The following NCK2 variants were observed in gnomAD, a reference collection of about 807,000 sequenced individuals.
The protein encoded by NCK2 is cytoplasmic protein NCK2.
NCK2 carries 16 observed loss-of-function variants against 33.9 expected under a neutral mutation model. The observed-to-expected ratio is 0.47, with a 90% confidence interval of 0.32 to 0.72. The LOEUF (loss-of-function observed/expected upper bound fraction) is 0.72, where lower values mean the gene tolerates loss of function less well. NCK2 is among the 30% of genes least tolerant of loss of function. The pLI is 0.03. For missense variants in NCK2, 418 were observed against 537.3 expected (o/e 0.78, Z 2.19); for synonymous variants, 273 against 239.9 (o/e 1.14, Z -1.27).
rs144636993 is a variant in NCK2, at chr2:105,882,132, A to G, written c.948+83A>G. Reference sequence around the variant, plus strand: ...GGTCTGTGTGCCGCGCCCTTTTCACATTGTGTGAGTACACTAGAAAGAGCG... The same window carrying G: ...GGTCTGTGTGCCGCGCCCTTTTCACGTTGTGTGAGTACACTAGAAAGAGCG... On this transcript the variant is annotated intron_variant, in intron 4 of 4. Coordinates refer to ENST00000233154, the MANE Select transcript of NCK2 (RefSeq NM_003581.5). 13,507 of 1,367,028 alleles carry G rather than the reference A, an allele frequency of 9.9e-3. 103 individuals carry two copies. The highest frequency in any genetic ancestry group is 0.012 in the Non-Finnish European group (12,257 of 1,053,726). 84.7% of individuals were successfully genotyped at this position (1,367,028 alleles called of 1,614,324 possible).
At chr2:105,754,366 GC>G (rs1164307667) in intron 1 of NCK2, among the ~76,000 whole-genome samples, 1 of 152,192 alleles carries the variant, frequency 6.6e-6, no homozygotes, top group African/African-American at 2.4e-5. Context: ...AGACGCCCAT[GC>G]CCATCTTAGA....
rs1163023979 is a variant in NCK2 at position 105,893,740 on chromosome 2, A to AAAGC, written c.*565_*566insAGCA. The AAAGC allele has an allele frequency of 6.6e-6, 1 of 151,950 alleles. No homozygotes were observed. Among genetic ancestry groups the AAAGC allele is most frequent in the East Asian group, 1.9e-4 (1 of 5,168 alleles). 9.4% of individuals were successfully genotyped at this position (151,950 alleles called of 1,614,324 possible). On this transcript the variant is annotated 3_prime_UTR_variant, in exon 5 of 5. Coordinates refer to ENST00000233154, the MANE Select transcript of NCK2 (RefSeq NM_003581.5). ...CTTTGGGGCTGTGCTTGCAATAAAG[A>AAAGC]ATTTCCTGGAAAGGCAGTCTGCAAA...
At chr2:105,869,241 A>G (rs1304945506) in intron 3 of NCK2, among the ~76,000 whole-genome samples, 1 of 152,142 alleles carries the variant, frequency 6.6e-6, no homozygotes, top group African/African-American at 2.4e-5. Context: ...CCTTGTTGAG[A>G]AAGTGCCACA....
At chr2:105,810,297 G>GA (rs1157990102) in intron 1 of NCK2, among the ~76,000 whole-genome samples, 1 of 151,892 alleles carries the variant, frequency 6.6e-6, no homozygotes, top group African/African-American at 2.4e-5. Flanking sequence ...GATGCTATTT[G>GA]AAAAAAACAA....
intron 4 of NCK2, among the ~76,000 whole-genome samples, chr2:105,891,707 T>A (rs985375841): frequency 5.3e-5 from 8 of 151,920 alleles, no homozygotes; most frequent in Non-Finnish European, 1.2e-4. Flanking sequence ...CCACCATGCC[T>A]GGCTAATTTT....
chr2:105,818,983 G>T (rs545605073), intron 2 of NCK2, among the ~76,000 whole-genome samples: 3 of 152,180 alleles, frequency 2.0e-5, no homozygotes, highest in Admixed American at 6.5e-5. Flanking sequence ...ATGCAATAAG[G>T]ATAGGATTAA....
chr2:105,756,828 G>A (rs182088448), intron 1 of NCK2, among the ~76,000 whole-genome samples: 25 of 152,266 alleles, frequency 1.6e-4, no homozygotes, highest in African/African-American at 6.0e-4. Flanking sequence ...TTTTGAGACG[G>A]AGTTTCGCTC....
intron 1 of NCK2, among the ~76,000 whole-genome samples, chr2:105,765,021 AT>A (rs5833150): frequency 0.83 from 122,906 of 148,592 alleles, 50,789 homozygotes; most frequent in Admixed American, 0.88. Context: ...CAGTGGAACC[AT>A]TTTTTTTTTT....
chr2:105,780,810 C>T (rs375525992), intron 1 of NCK2, among the ~76,000 whole-genome samples: 2 of 152,312 alleles, frequency 1.3e-5, no homozygotes, highest in African/African-American at 2.4e-5. Flanking sequence ...AAGAAGCCGC[C>T]GTGTAGGAAC....
intron 4 of NCK2, among the ~76,000 whole-genome samples, chr2:105,891,051 G>T (rs748876363): frequency 5.3e-5 from 8 of 152,208 alleles, no homozygotes; most frequent in Non-Finnish European, 5.9e-5. Flanking sequence ...CGAGGTACCA[G>T]CCCTGCCTCG....
At position 105,835,423 on chromosome 2, in the gene NCK2, A is replaced by ATATATT. The variant is rs59154186; in HGVS notation, c.-17+18811_-17+18812insATATTT. ...TATATATACGTGTATATATATATATATTTTTTTTTTGGTCAGCATTTTGAA... is the reference window on the plus strand; with the variant it reads ...TATATATACGTGTATATATATATATATATATTTTTTTTTTTTGGTCAGCATTTTGAA... On this transcript the variant is annotated intron_variant, in intron 2 of 4. Coordinates refer to ENST00000233154, the MANE Select transcript of NCK2 (RefSeq NM_003581.5). Among the ~76,000 whole-genome samples the ATATATT allele has an allele frequency of 7.6e-3, 773 of 101,988 alleles. 27 individuals are homozygous for ATATATT. Among genetic ancestry groups the ATATATT allele is most frequent in the East Asian group, 0.013 (42 of 3,294 alleles). The allele number at this position is 101,988 out of a possible 152,430, so 66.9% of individuals were successfully genotyped here.
At chr2:105,850,514 A>C (rs943844394) in intron 2 of NCK2, among the ~76,000 whole-genome samples, 18 of 152,180 alleles carry the variant, frequency 1.2e-4, no homozygotes, top group African/African-American at 4.1e-4. Flanking sequence ...TGTGTTTTAG[A>C]GTGGTCACAT....
At chr2:105,857,047 T>TTTTTTTTTTTTA (rs1553460690) in intron 3 of NCK2, 4 of 130,788 alleles carry the variant, frequency 3.1e-5, no homozygotes, top group African/African-American at 5.7e-5. Flanking sequence ...TTTTTTTTTT[T>TTTTTTTTTTTTA]TTGTATTTAC....
At chr2:105,838,931 A>C (rs4851877) in intron 2 of NCK2, among the ~76,000 whole-genome samples, 139,812 of 152,250 alleles carry the variant, frequency 0.92, 64,240 homozygotes, top group East Asian at 0.98. Context: ...GTGTGAAGTA[A>C]TGGTAAGGGC....
At chr2:105,854,471 C>G (rs957584119) in intron 2 of NCK2, 1 of 152,548 alleles carries the variant, frequency 6.6e-6, no homozygotes, top group Non-Finnish European at 1.5e-5. Flanking sequence ...TAACATCTTA[C>G]TGGTGTGTTG....
intron 1 of NCK2, among the ~76,000 whole-genome samples, chr2:105,804,846 G>A (rs1674971629): frequency 6.6e-6 from 1 of 152,336 alleles, no homozygotes; most frequent in African/African-American, 2.4e-5. Context: ...AGGCACAGTG[G>A]TGTTAGGGAT....
At chr2:105,863,886 C>A (rs368480173) in intron 3 of NCK2, among the ~76,000 whole-genome samples, 1 of 152,034 alleles carries the variant, frequency 6.6e-6, no homozygotes, top group Non-Finnish European at 1.5e-5. Flanking sequence ...TAACGGGATA[C>A]GTGACTGCTT....
chr2:105,785,485 C>A (rs1012103889), intron 1 of NCK2, among the ~76,000 whole-genome samples: 1 of 152,184 alleles, frequency 6.6e-6, no homozygotes, highest in African/African-American at 2.4e-5. Context: ...CAAAGTGACA[C>A]GACCAAAAGA....
At chr2:105,786,584 G>A (rs1690690467) in intron 1 of NCK2, among the ~76,000 whole-genome samples, 2 of 152,202 alleles carry the variant, frequency 1.3e-5, no homozygotes, top group Admixed American at 6.5e-5. Flanking sequence ...GGCCTCGCGC[G>A]GTTATGAGAG....
Sources: gnomAD v4.1 joint callset for allele counts (sites outside exome capture counted in the v4.1 genomes callset) on GRCh38, gnomAD v4.1.1 for gene constraint, MANE v1.5 for transcripts, NCBI Gene and HGNC (gene_info 2026-07-23, HGNC 2026-07-21) for gene names.